The following KANK1 variants were observed in gnomAD, a reference collection of about 807,000 sequenced individuals.
KANK1 encodes KN motif and ankyrin repeat domain-containing protein 1.
Under a neutral mutation model 106.2 loss-of-function variants are expected in KANK1, and 109 were observed. That is an observed-to-expected ratio of 1.03 (90% CI 0.88 to 1.20). The LOEUF is 1.20. Ranked by LOEUF, KANK1 falls within the 50% of genes most tolerant of loss-of-function variation. The pLI, the probability that KANK1 is intolerant of heterozygous loss-of-function variation, is 0.00. For synonymous variants in KANK1, 873 were observed against 652.2 expected (o/e 1.34, Z -5.16); for missense variants, 2,399 against 1,710.7 (o/e 1.40, Z -7.10).
rs187240686 is a variant in KANK1 at position 621,683 on chromosome 9, G to A, written c.-83-55207G>A. Among the ~76,000 whole-genome samples, 82 of 151,798 alleles carry A rather than the reference G, an allele frequency of 5.4e-4. 1 individual carries two copies. Among genetic ancestry groups the A allele is most frequent in the Admixed American group, 2.0e-3 (31 of 15,190 alleles). ...CCAGTGGTGAGTTCCTCTTTCCTTC[G>A]CTCTCAGCAAGAGCATGGGTTGCCC... On this transcript the variant is annotated intron_variant, in intron 1 of 11. Transcript: ENST00000382297.
At chr9:732,750 G>C in intron 6 of KANK1, 133 bp downstream of exon 6, 2 of 959,682 alleles carry the variant, frequency 2.1e-6, no homozygotes, top group South Asian at 3.3e-5. Flanking sequence ...CACATCTTGA[G>C]ATACTAATAT....
rs557009307 is a variant in KANK1, at chr9:523,512, A to G, written c.-84+18758A>G. 2.0e-5 allele frequency among the ~76,000 whole-genome samples: 3 copies of G among 151,442 alleles called. No homozygotes were observed. In the South Asian group the frequency reaches 6.3e-4, roughly 32 times the overall value. Reference sequence around the variant, plus strand: ...AAAGTCACATTGTGGCACTGCGTAGACTCTCTGTTGGCTCCTTGTTTCTAT... The same window carrying G: ...AAAGTCACATTGTGGCACTGCGTAGGCTCTCTGTTGGCTCCTTGTTTCTAT... On this transcript the variant is annotated intron_variant, in intron 1 of 11. Coordinates refer to ENST00000382297, the MANE Select transcript of KANK1 (RefSeq NM_015158.5).
chr9:653,680 T>C (rs1408547800), intron 1 of KANK1, among the ~76,000 whole-genome samples: 1 of 152,156 alleles, frequency 6.6e-6, no homozygotes, highest in African/African-American at 2.4e-5. Context: ...TGTGCTCCCC[T>C]GTTTTCAAGC....
chr9:669,674 T>G (rs1350485649), intron 1 of KANK1, among the ~76,000 whole-genome samples: 2 of 152,178 alleles, frequency 1.3e-5, no homozygotes, highest in Admixed American at 1.3e-4. Context: ...CCTTGACCTT[T>G]GAGAGTTTTA....
chr9:502,426 C>A (rs1029373291), upstream of KANK1, among the ~76,000 whole-genome samples: 2 of 152,002 alleles, frequency 1.3e-5, no homozygotes, highest in Non-Finnish European at 2.9e-5. Context: ...TTGATTGATT[C>A]GTTTTGCTTA....
chr9:742,115 T>C lies in KANK1; in HGVS notation c.3697-90T>C. On this transcript the variant is annotated intron_variant, in intron 9 of 11. Transcript: ENST00000382297. ...AGTTCTTTCCCTTCTGTCACCACAC[T>C]CTTCCCCCTTTCCCTAGCACAGCCC... 7.2e-6 allele frequency: 8 copies of C among 1,111,780 alleles called. No individual in the cohort carries two copies. In the South Asian group the frequency reaches 8.6e-5, roughly 12 times the overall value. 68.9% of individuals were successfully genotyped at this position (1,111,780 alleles called of 1,614,324 possible). A position where few individuals can be genotyped will look rare whatever the true frequency, so the allele number is the denominator to read the frequency against.
At position 613,484 on chromosome 9, in the gene KANK1, A is replaced by G. The variant is rs550637005; in HGVS notation, c.-83-63406A>G. Among the ~76,000 whole-genome samples the G allele has an allele frequency of 2.3e-3, 357 of 152,078 alleles. 1 individual carries two copies. The highest frequency in any genetic ancestry group is 4.3e-3 in the Non-Finnish European group (295 of 67,970). ...GAGATTTTTTTAAAGCTCATAAGCT[A>G]TCATTAGTGTTAGTGTATTTTATTT... On this transcript the variant is annotated intron_variant, in intron 1 of 11. Coordinates refer to ENST00000382297, the MANE Select transcript of KANK1 (RefSeq NM_015158.5).
chr9:652,168 G>A (rs2361101), intron 1 of KANK1, among the ~76,000 whole-genome samples: 1 of 151,916 alleles, frequency 6.6e-6, no homozygotes, highest in Admixed American at 6.6e-5. Context: ...TTGCAAATAT[G>A]TGTTTGGAAT....
At chr9:723,992 A>AC (rs1254391589) in intron 3 of KANK1, among the ~76,000 whole-genome samples, 1 of 150,584 alleles carries the variant, frequency 6.6e-6, no homozygotes, top group Non-Finnish European at 1.5e-5. Context: ...GGTCCCAGCT[A>AC]TTTGGGGGGC....
At chr9:600,060 C>G (rs1177733952) in intron 1 of KANK1, among the ~76,000 whole-genome samples, 2 of 151,718 alleles carry the variant, frequency 1.3e-5, no homozygotes, top group African/African-American at 2.4e-5. Flanking sequence ...AGGCATAACA[C>G]ATAATTTACT....
intron 1 of KANK1, among the ~76,000 whole-genome samples, chr9:545,491 G>A (rs116808785): frequency 0.01 from 1,533 of 152,268 alleles, 27 homozygotes; most frequent in African/African-American, 0.034. Flanking sequence ...GCAGAAGAGG[G>A]CTTAGGGCAG....
intron 1 of KANK1, among the ~76,000 whole-genome samples, chr9:592,048 C>G (rs771091675): frequency 7.9e-5 from 12 of 151,744 alleles, no homozygotes; most frequent in Non-Finnish European, 1.3e-4. Context: ...CTGTGTTGAC[C>G]ACAGCGAGGT....
chr9:702,412 A>G (rs7029407), intron 2 of KANK1, among the ~76,000 whole-genome samples: 94,984 of 152,022 alleles, frequency 0.62, 30,740 homozygotes, highest in Middle Eastern at 0.69. Context: ...CCTTGTGAGA[A>G]CAGAGACTTT....
At chr9:489,393 C>A (rs1341978626) in intron 3 of KANK1, among the ~76,000 whole-genome samples, 2 of 152,072 alleles carry the variant, frequency 1.3e-5, no homozygotes, top group African/African-American at 4.8e-5. Flanking sequence ...AAATGCAGAG[C>A]ATCCAGCCAA....
intron 1 of KANK1, among the ~76,000 whole-genome samples, chr9:520,010 A>C (rs1426210469): frequency 1.3e-5 from 2 of 151,682 alleles, no homozygotes; most frequent in Admixed American, 6.6e-5. Context: ...GAGCCACTCC[A>C]CTCTGGGACA....
At chr9:681,842 TATC>T (rs1232470880) in intron 2 of KANK1, among the ~76,000 whole-genome samples, 6 of 152,196 alleles carry the variant, frequency 3.9e-5, no homozygotes, top group East Asian at 1.9e-4. Flanking sequence ...TGCCTGCTCT[TATC>T]ATCTTTATTT....
At chr9:613,777 A>C (rs541766556) in intron 1 of KANK1, among the ~76,000 whole-genome samples, 1 of 152,070 alleles carries the variant, frequency 6.6e-6, no homozygotes, top group African/African-American at 2.4e-5. Flanking sequence ...GAGCCCCTTA[A>C]GTTTTGTGAC....
chr9:712,004 T>C lies in KANK1; in HGVS notation c.1238T>C (p.Val413Ala), dbSNP rs1482739072. The C allele has an allele frequency of 2.5e-6, 4 of 1,614,166 alleles. No individual in the cohort carries two copies. The South Asian group carries it at 3.3e-5, about 13-fold the overall frequency. ...VGAEENMNDI[V>A]VYHRGSRSCK... The stretch of plus-strand genomic sequence containing the variant: ...GCCGAGGAGAACATGAACGACATCG[T>C]CGTGTACCACAGAGGCTCCAGGTCC... Residue 413 changes from valine (V) to alanine (A), a missense_variant, in exon 3 of 12, where the codon GTC becomes GCC. By Grantham distance (64) the Val-to-Ala change is moderately conservative. Transcript: ENST00000382297.
chr9:696,942 A>C (rs746664926), intron 2 of KANK1, among the ~76,000 whole-genome samples: 16 of 152,192 alleles, frequency 1.1e-4, no homozygotes, highest in Non-Finnish European at 2.4e-4. Flanking sequence ...ACATTGATGC[A>C]CAGATGAAGA....
Sources: allele counts gnomAD v4.1 joint callset (sites outside exome capture counted in the v4.1 genomes callset), GRCh38; gene constraint gnomAD v4.1.1; transcripts MANE v1.5; gene names NCBI Gene and HGNC (gene_info 2026-07-23, HGNC 2026-07-21).